RAB38: variants seen among roughly 807,000 people sequenced by gnomAD.
The protein encoded by RAB38 is RAB38, member RAS oncogene family.
Under a neutral mutation model 18.4 loss-of-function variants are expected in RAB38, and 15 were observed. The observed-to-expected ratio is 0.82, with a 90% CI of 0.55 to 1.26. The LOEUF is 1.26. Among genes scored for constraint, RAB38 ranks in the 50% most tolerant of loss-of-function variants. The pLI is 0.00. For missense variants in RAB38, 294 were observed against 267.4 expected (o/e 1.10, Z -0.69); for synonymous variants, 101 against 104.4 (o/e 0.97, Z 0.20).
the RAB38 span, among the ~76,000 whole-genome samples, chr11:87,867,486 C>G: frequency 6.6e-6 from 1 of 151,736 alleles, no homozygotes; most frequent in Admixed American, 6.6e-5. Flanking sequence ...AGGATAGTCA[C>G]AACAACTATT....
At chr11:88,057,682 C>A in the RAB38 span, among the ~76,000 whole-genome samples, 33 of 152,300 alleles carry the variant, frequency 2.2e-4, no homozygotes, top group African/African-American at 6.7e-4. Flanking sequence ...CTCATCTTCA[C>A]ATGAATACAA....
At chr11:88,070,927 A>T in the RAB38 span, among the ~76,000 whole-genome samples, 1 of 152,246 alleles carries the variant, frequency 6.6e-6, no homozygotes, top group Non-Finnish European at 1.5e-5. Flanking sequence ...GGCTGCCATA[A>T]TATTTGGTAA....
At chr11:87,968,891 T>C in the RAB38 span, among the ~76,000 whole-genome samples, 7 of 152,128 alleles carry the variant, frequency 4.6e-5, no homozygotes, top group African/African-American at 1.4e-4. Context: ...ACACTGGAGA[T>C]TCAGAACAGT....
the RAB38 span, among the ~76,000 whole-genome samples, chr11:87,937,747 G>T: frequency 6.6e-6 from 1 of 151,836 alleles, no homozygotes; most frequent in Non-Finnish European, 1.5e-5. Flanking sequence ...AGGTTTAGAT[G>T]TAAAATCTCC....
the RAB38 span, among the ~76,000 whole-genome samples, chr11:87,857,266 A>T: frequency 5.3e-5 from 8 of 152,134 alleles, no homozygotes; most frequent in African/African-American, 1.4e-4. Context: ...TCTATCACTG[A>T]TGGACATTTG....
the RAB38 span, among the ~76,000 whole-genome samples, chr11:87,976,174 G>A: frequency 0.012 from 1,722 of 145,514 alleles, 37 homozygotes; most frequent in African/African-American, 0.04. Context: ...ATGTATATAG[G>A]TATATATAGG....
chr11:88,021,561 A>C, the RAB38 span, among the ~76,000 whole-genome samples: 1 of 141,402 alleles, frequency 7.1e-6, no homozygotes, highest in Non-Finnish European at 1.5e-5. Context: ...ATAGAGAAAG[A>C]TAATTTATTT....
the RAB38 span, among the ~76,000 whole-genome samples, chr11:87,912,762 C>CTTTTTTTTTTTTTTTTTTTTTTTTTT: frequency 1.2e-5 from 1 of 86,538 alleles, no homozygotes; most frequent in Non-Finnish European, 2.3e-5. Flanking sequence ...AATTTTCTTT[C>CTTTTTTTTTTTTTTTTTTTTTTTTTT]TTTCTTTTTT....
chr11:87,944,777 G>A, the RAB38 span, among the ~76,000 whole-genome samples: 3 of 151,994 alleles, frequency 2.0e-5, no homozygotes, highest in Non-Finnish European at 2.9e-5. Context: ...TCACACTTAC[G>A]CAGCCAAACC....
At chr11:88,055,842 C>T in the RAB38 span, among the ~76,000 whole-genome samples, 7 of 152,126 alleles carry the variant, frequency 4.6e-5, no homozygotes, top group South Asian at 2.1e-4. Flanking sequence ...TAGGAGGCAC[C>T]GGAAACTTTG....
chr11:87,907,102 A>T, the RAB38 span, among the ~76,000 whole-genome samples: 1 of 152,028 alleles, frequency 6.6e-6, no homozygotes, highest in South Asian at 2.1e-4. Flanking sequence ...TAGATTAAAT[A>T]GTTATGTATG....
intron 1 of RAB38, among the ~76,000 whole-genome samples, chr11:88,169,511 A>C (rs1391183449): frequency 6.6e-6 from 1 of 152,214 alleles, no homozygotes; most frequent in Non-Finnish European, 1.5e-5. Context: ...TGGAATTGTA[A>C]GCCTGAGCTC....
chr11:88,032,628 G>C, the RAB38 span, among the ~76,000 whole-genome samples: 1 of 152,168 alleles, frequency 6.6e-6, no homozygotes, highest in East Asian at 1.9e-4. Context: ...ATGAAAAAAC[G>C]CTCGCCATCA....
the RAB38 span, among the ~76,000 whole-genome samples, chr11:87,856,044 C>A: frequency 6.6e-6 from 1 of 152,120 alleles, no homozygotes; most frequent in African/African-American, 2.4e-5. Context: ...CCACAATTTA[C>A]TAATTTCAAA....
chr11:88,063,064 G>T, the RAB38 span, among the ~76,000 whole-genome samples: 1 of 152,098 alleles, frequency 6.6e-6, no homozygotes, highest in East Asian at 1.9e-4. Context: ...CTGTCTCAAG[G>T]GATAGATCTA....
chr11:88,016,876 G>A, the RAB38 span, among the ~76,000 whole-genome samples: 471 of 152,026 alleles, frequency 3.1e-3, 2 homozygotes, highest in African/African-American at 0.01. Context: ...CACGAATCTG[G>A]GTAATAATGA....
At chr11:87,805,314 A>ATATACACATATTCACAGG in the RAB38 span, among the ~76,000 whole-genome samples, 1 of 152,172 alleles carries the variant, frequency 6.6e-6, no homozygotes, top group Non-Finnish European at 1.5e-5. Context: ...ACACCTATGC[A>ATATACACATATTCACAGG]TATACACATA....
chr11:87,964,599 G>A, the RAB38 span, among the ~76,000 whole-genome samples: 2 of 151,950 alleles, frequency 1.3e-5, no homozygotes, highest in Non-Finnish European at 2.9e-5. Flanking sequence ...AGAGAATTGA[G>A]CCTATTTAAC....
the RAB38 span, among the ~76,000 whole-genome samples, chr11:88,046,946 A>G: frequency 3.3e-5 from 5 of 152,164 alleles, no homozygotes; most frequent in African/African-American, 4.8e-5. Flanking sequence ...CTGTGCAGGC[A>G]GAATTCTTAC....
Sources: allele counts gnomAD v4.1 joint callset (sites outside exome capture counted in the v4.1 genomes callset), GRCh38; gene constraint gnomAD v4.1.1; transcripts MANE v1.5; gene names NCBI Gene and HGNC (gene_info 2026-07-23, HGNC 2026-07-21).